RPS6KC1: variants seen among roughly 807,000 people sequenced by gnomAD.
RPS6KC1 encodes the protein ribosomal protein S6 kinase C1, also known as inactive ribosomal protein S6 kinase delta-1.
RPS6KC1 carries 54 observed loss-of-function variants against 103.8 expected under a neutral mutation model. The observed-to-expected ratio is 0.52, with a 90% CI of 0.42 to 0.65. The LOEUF is 0.65. RPS6KC1 is among the 30% of genes least tolerant of loss of function. The pLI is 0.00. For missense variants in RPS6KC1, 1,151 were observed against 1,253.8 expected, an observed-to-expected ratio of 0.92 and a Z score of 1.24; for synonymous variants, 439 against 438.7, an observed-to-expected ratio of 1.00 and a Z score of -0.01.
At chr1:213,415,956 T>C in the RPS6KC1 span, among the ~76,000 whole-genome samples, 9 of 152,328 alleles carry the variant, frequency 5.9e-5, no homozygotes, top group East Asian at 1.5e-3. Context: ...ATTGTTAACT[T>C]ACAGCACAAC....
chr1:213,295,954 AGCCTTTCTTAAGGAG>A, the RPS6KC1 span, among the ~76,000 whole-genome samples: 3 of 152,196 alleles, frequency 2.0e-5, no homozygotes, highest in Admixed American at 2.0e-4. Context: ...GGTTTTTATT[AGCCTTTCTTAAGGAG>A]GCCTTAAAGG....
At chr1:213,147,015 T>C (rs986592309) in intron 6 of RPS6KC1, among the ~76,000 whole-genome samples, 9 of 152,230 alleles carry the variant, frequency 5.9e-5, no homozygotes, top group African/African-American at 2.2e-4. Context: ...TGTCTGTTCA[T>C]ATCTTATGCC....
intron 1 of RPS6KC1, among the ~76,000 whole-genome samples, chr1:213,052,590 G>T (rs1016345765): frequency 6.6e-6 from 1 of 152,028 alleles, no homozygotes; most frequent in South Asian, 2.1e-4. Context: ...GCCCAGGCTG[G>T]AGTGCAATGG....
the RPS6KC1 span, among the ~76,000 whole-genome samples, chr1:213,328,714 C>A: frequency 6.6e-6 from 1 of 151,400 alleles, no homozygotes; most frequent in Non-Finnish European, 1.5e-5. Context: ...GTTAGATGGG[C>A]CCTGTGTGAC....
chr1:213,247,073 G>A (rs977916902), intron 12 of RPS6KC1, among the ~76,000 whole-genome samples: 7 of 152,078 alleles, frequency 4.6e-5, no homozygotes, highest in African/African-American at 1.7e-4. Flanking sequence ...CCTATTATGA[G>A]TCTTTAATTT....
the RPS6KC1 span, among the ~76,000 whole-genome samples, chr1:213,824,022 C>T: frequency 3.9e-5 from 6 of 152,114 alleles, no homozygotes; most frequent in Admixed American, 2.0e-4. Flanking sequence ...AGGTCTCTAG[C>T]GATGCTATCC....
chr1:213,587,358 G>A, the RPS6KC1 span, among the ~76,000 whole-genome samples: 2 of 152,190 alleles, frequency 1.3e-5, no homozygotes, highest in African/African-American at 4.8e-5. Context: ...CCAGCTTGCT[G>A]TAGCCTCTTG....
the RPS6KC1 span, among the ~76,000 whole-genome samples, chr1:213,629,779 G>C: frequency 6.6e-6 from 1 of 152,038 alleles, no homozygotes; most frequent in Non-Finnish European, 1.5e-5. Flanking sequence ...GGCAGGCCTG[G>C]TGGTGACAAA....
the RPS6KC1 span, among the ~76,000 whole-genome samples, chr1:213,562,458 C>T: frequency 5.8e-4 from 81 of 139,886 alleles, no homozygotes; most frequent in African/African-American, 2.1e-3. Context: ...GGTGCGATCT[C>T]GGCTCACTGC....
At chr1:213,270,424 A>G (rs2095020203) in intron 14 of RPS6KC1, among the ~76,000 whole-genome samples, 1 of 152,230 alleles carries the variant, frequency 6.6e-6, no homozygotes, top group Non-Finnish European at 1.5e-5. Context: ...GGAAAAATTG[A>G]TAAAGTAGAT....
chr1:213,137,646 TAA>T (rs2086443567), intron 6 of RPS6KC1, among the ~76,000 whole-genome samples: 1 of 151,640 alleles, frequency 6.6e-6, no homozygotes, highest in South Asian at 2.1e-4. Context: ...GCCTGTCCTT[TAA>T]CTATCAGATG....
At chr1:213,388,526 G>T in the RPS6KC1 span, among the ~76,000 whole-genome samples, 20 of 152,330 alleles carry the variant, frequency 1.3e-4, no homozygotes, top group Non-Finnish European at 2.5e-4. Flanking sequence ...TATCGATTTT[G>T]GGAACCTGAC....
chr1:213,482,038 C>T, the RPS6KC1 span, among the ~76,000 whole-genome samples: 2 of 152,136 alleles, frequency 1.3e-5, no homozygotes, highest in Non-Finnish European at 2.9e-5. Context: ...GACACCTGCT[C>T]CTGCTTCACC....
intron 8 of RPS6KC1, among the ~76,000 whole-genome samples, chr1:213,217,405 A>G (rs2093695699): frequency 6.6e-6 from 1 of 152,232 alleles, no homozygotes; most frequent in Admixed American, 6.5e-5. Flanking sequence ...AAAAAAGTCC[A>G]GGACCAGATG....
At chr1:213,421,929 A>T in the RPS6KC1 span, among the ~76,000 whole-genome samples, 1 of 152,178 alleles carries the variant, frequency 6.6e-6, no homozygotes, top group Non-Finnish European at 1.5e-5. Flanking sequence ...TTTACTATTT[A>T]TGTGTTTTAA....
chr1:213,601,637 C>T, the RPS6KC1 span, among the ~76,000 whole-genome samples: 1 of 151,954 alleles, frequency 6.6e-6, no homozygotes, highest in East Asian at 1.9e-4. Context: ...TCATTCAGTG[C>T]CTCACGTGGC....
At chr1:213,414,172 C>G in the RPS6KC1 span, among the ~76,000 whole-genome samples, 1 of 152,160 alleles carries the variant, frequency 6.6e-6, no homozygotes, top group Non-Finnish European at 1.5e-5. Context: ...ACCTTACCAA[C>G]GCCTTTCACT....
intron 14 of RPS6KC1, among the ~76,000 whole-genome samples, chr1:213,269,832 T>C (rs2095000517): frequency 6.6e-6 from 1 of 151,876 alleles, no homozygotes. Flanking sequence ...TGAGGATCAC[T>C]TGAGTACAGG....
At chr1:213,319,756 T>A in the RPS6KC1 span, among the ~76,000 whole-genome samples, 7 of 152,224 alleles carry the variant, frequency 4.6e-5, no homozygotes, top group African/African-American at 1.7e-4. Context: ...CGTCTCCTAA[T>A]TTGAGCCCTC....
Sources: gnomAD v4.1 joint callset for allele counts (sites outside exome capture counted in the v4.1 genomes callset) on GRCh38, gnomAD v4.1.1 for gene constraint, MANE v1.5 for transcripts, NCBI Gene and HGNC (gene_info 2026-07-23, HGNC 2026-07-21) for gene names.